Variants in RBM19 observed in about 807,000 individuals in gnomAD.
The protein encoded by RBM19 is RNA binding motif protein 19.
In RBM19, 94 loss-of-function variants were observed where a neutral mutation model predicts 116.8. The ratio of observed to expected loss-of-function variants is 0.80; its 90% CI spans 0.68 to 0.95. The LOEUF is 0.95. RBM19 is among the 40% of genes least tolerant of loss of function. The pLI is 0.00. For missense variants in RBM19, 1,161 were observed against 1,220.7 expected (o/e 0.95, Z 0.73); for synonymous variants, 475 against 494.1 (o/e 0.96, Z 0.51).
At chr12:113,821,008 G>C (rs568196779), downstream of RBM19, among the ~76,000 whole-genome samples, 33 of 152,344 alleles carry the variant, frequency 2.2e-4, no homozygotes, top group African/African-American at 7.7e-4. Context: ...GGGGCCTGCA[G>C]CTGCCTGGGC....
In RBM19 at chr12:113,957,962, C is replaced by T. The variant is rs534848781; in HGVS notation, c.660G>A (p.Ser220=). The change falls in exon 6 of 24, where the codon TCG becomes TCA. Residue 220 remains serine, a synonymous_variant. Coordinates refer to ENST00000261741, the MANE Select transcript of RBM19 (RefSeq NM_016196.4). ...TTTCCTCTTCCTCCGAGGAAGAGGA[C>T]GACCCAGCCTTCACCATCTTGGATT... is the stretch of plus-strand genomic sequence containing the variant. ...YLKSKMVKAG[S]SSSSEEEESE... is the part of the protein sequence containing the mutation. 22 of 1,614,176 alleles carry T rather than the reference C, an allele frequency of 1.4e-5. No homozygotes were observed. Among genetic ancestry groups the T allele is most frequent in the East Asian group, 6.7e-5 (3 of 44,890 alleles).
downstream of RBM19, among the ~76,000 whole-genome samples, chr12:113,818,992 C>T (rs1282177147): frequency 7.2e-5 from 11 of 152,306 alleles, no homozygotes; most frequent in East Asian, 5.8e-4. Context: ...AGGGAGAGGG[C>T]GGGATGCCTG....
At chr12:113,820,306 C>G (rs1874329770), downstream of RBM19, among the ~76,000 whole-genome samples, 1 of 150,572 alleles carries the variant, frequency 6.6e-6, no homozygotes. Flanking sequence ...GGGCTGCATT[C>G]AAAGCCCAAG....
intron 1 of RBM19, among the ~76,000 whole-genome samples, chr12:113,963,934 A>G (rs79862923): frequency 1.3e-5 from 2 of 152,338 alleles, no homozygotes; most frequent in Non-Finnish European, 2.9e-5. Flanking sequence ...TTCTCAGTTC[A>G]ATCATCTCCT....
At chr12:113,852,264 C>T (rs1419600014) in intron 22 of RBM19, among the ~76,000 whole-genome samples, 1 of 152,110 alleles carries the variant, frequency 6.6e-6, no homozygotes, top group East Asian at 1.9e-4. Context: ...GGGGGTCCGT[C>T]CTGGCACTGA....
chr12:113,865,262 A>G (rs544020910), intron 21 of RBM19, among the ~76,000 whole-genome samples: 2 of 152,204 alleles, frequency 1.3e-5, no homozygotes, highest in African/African-American at 4.8e-5. Context: ...TATCACCTGG[A>G]ACCCTGCTTG....
At chr12:113,965,280 TA>T (rs144243457) in intron 1 of RBM19, among the ~76,000 whole-genome samples, 39 of 96,652 alleles carry the variant, frequency 4.0e-4, no homozygotes, top group Admixed American at 1.3e-3. Context: ...AGACTCCGTT[TA>T]AAAAAAAAAA....
intron 15 of RBM19, among the ~76,000 whole-genome samples, chr12:113,939,576 C>G (rs11066835): frequency 0.16 from 24,102 of 151,074 alleles, 2,541 homozygotes; most frequent in African/African-American, 0.3. Context: ...GGTGAAACCC[C>G]GTCTCTACCA....
chr12:113,834,506 T>C (rs1875705452), intron 23 of RBM19, among the ~76,000 whole-genome samples: 1 of 152,192 alleles, frequency 6.6e-6, no homozygotes, highest in African/African-American at 2.4e-5. Context: ...AGTAAATACT[T>C]TAGGCTTGGT....
Position 113,946,439 on chromosome 12 carries a change from T to C in RBM19, c.1444A>G (p.Lys482Glu). 6.2e-7 allele frequency: 1 copy of C among 1,614,030 alleles called. No homozygotes were observed. The highest frequency in any genetic ancestry group is 8.5e-7 in the Non-Finnish European group (1 of 1,179,994). The change falls in exon 12 of 24, where the codon AAG becomes GAG. Residue 482 changes from lysine (K) to glutamate (E), a missense_variant. Coordinates refer to ENST00000261741, the MANE Select transcript of RBM19 (RefSeq NM_016196.4). The stretch of plus-strand genomic sequence containing the variant: ...GCACTGGCATCCTCGCTGGCTTCCT[T>C]CTTGATGGTAGATGGTAACACGTGG... ...MLHVLPSTIKKEASEDASALG... is the reference protein window; with the variant it reads ...MLHVLPSTIKEEASEDASALG...
rs375006354 is a variant in RBM19, at chr12:113,915,099, G to A, written c.2442-14C>T. ...GTCACGGCTGGCCTGGAGTGGTGGG[G>A]GGAGAGGGTCCAAGTTATTCGGAGC... is the stretch of plus-strand genomic sequence containing the variant. On this transcript the variant is annotated splice_polypyrimidine_tract_variant and intron_variant, in intron 20 of 23. Coordinates refer to ENST00000261741, the MANE Select transcript of RBM19 (RefSeq NM_016196.4). 2.6e-5 allele frequency: 42 copies of A among 1,606,566 alleles called. No individual in the cohort carries two copies. In the African/African-American group the frequency reaches 5.2e-4, roughly 20 times the overall value.
chr12:113,892,223 G>A (rs140011297), intron 21 of RBM19, among the ~76,000 whole-genome samples: 15 of 152,242 alleles, frequency 9.9e-5, no homozygotes, highest in East Asian at 3.9e-4. Flanking sequence ...ACTCAGGCTC[G>A]GGCCTCGGTT....
chr12:113,891,480 G>T (rs1880958884), intron 21 of RBM19, among the ~76,000 whole-genome samples: 1 of 152,174 alleles, frequency 6.6e-6, no homozygotes, highest in Non-Finnish European at 1.5e-5. Context: ...TTTCCCATTT[G>T]CCAGGGTTGG....
At chr12:113,887,449 AAC>A (rs1247771892) in intron 21 of RBM19, among the ~76,000 whole-genome samples, 2 of 151,874 alleles carry the variant, frequency 1.3e-5, no homozygotes. Flanking sequence ...CATCCTGGCT[AAC>A]ACAGTGAAAC....
intron 23 of RBM19, among the ~76,000 whole-genome samples, chr12:113,839,393 A>G (rs1734851952): frequency 6.6e-6 from 1 of 152,176 alleles, no homozygotes. Context: ...AGAGACTGAC[A>G]TCTCTAGCAC....
At chr12:113,896,996 C>G (rs1396326019) in intron 21 of RBM19, among the ~76,000 whole-genome samples, 1 of 152,122 alleles carries the variant, frequency 6.6e-6, no homozygotes, top group African/African-American at 2.4e-5. Flanking sequence ...CTGAAATAGC[C>G]CACAGGAAAG....
In RBM19 at chr12:113,966,321, G is replaced by A; in HGVS notation, c.-94C>T. On this transcript the variant is annotated 5_prime_UTR_variant, in exon 1 of 24. Transcript: ENST00000261741. ...CGCCCTGGGCGCCGCCATCTTTACC[G>A]AGCCGGAACACAGTCACGTGGCTGA... 1 of 1,513,468 alleles carries A rather than the reference G, an allele frequency of 6.6e-7. No individual in the cohort carries two copies. The highest frequency in any genetic ancestry group is 2.3e-5 in the East Asian group (1 of 44,346). The allele number at this position is 1,513,468 out of a possible 1,614,324, so 93.8% of individuals were successfully genotyped here.
chr12:113,951,216 C>T (rs1172891227), intron 8 of RBM19, among the ~76,000 whole-genome samples: 1 of 152,256 alleles, frequency 6.6e-6, no homozygotes, highest in East Asian at 1.9e-4. Context: ...CCCAGCCTGC[C>T]TCCTCCCCAG....
chr12:113,823,170 A>C lies in RBM19; in HGVS notation c.*54T>G. 1.4e-6 allele frequency: 2 copies of C among 1,454,466 alleles called. No individual in the cohort carries two copies. Among genetic ancestry groups the C allele is most frequent in the Non-Finnish European group, 1.9e-6 (2 of 1,053,666 alleles). 90.1% of individuals were successfully genotyped at this position (1,454,466 alleles called of 1,614,324 possible). A position where few individuals can be genotyped will look rare whatever the true frequency, so the allele number is the denominator to read the frequency against. ...ACATGGTGGTGAGTGCAGAAGCTGGAGCGGCTGTCCCGGTCCCCAGGGCCC... is the reference window on the plus strand; with the variant it reads ...ACATGGTGGTGAGTGCAGAAGCTGGCGCGGCTGTCCCGGTCCCCAGGGCCC... On this transcript the variant is annotated 3_prime_UTR_variant, in exon 24 of 24. Coordinates refer to ENST00000261741, the MANE Select transcript of RBM19 (RefSeq NM_016196.4).
Sources: gnomAD v4.1 joint callset for allele counts (sites outside exome capture counted in the v4.1 genomes callset) on GRCh38, gnomAD v4.1.1 for gene constraint, MANE v1.5 for transcripts, NCBI Gene and HGNC (gene_info 2026-07-23, HGNC 2026-07-21) for gene names.